SRCIN1: variants seen among roughly 807,000 people sequenced by gnomAD.
SRCIN1 encodes P130Cas-associated protein.
In SRCIN1, 50 loss-of-function variants were observed where a neutral mutation model predicts 116.2. The observed-to-expected ratio is 0.43, with a 90% CI of 0.34 to 0.54. SRCIN1 has a LOEUF of 0.54. SRCIN1 is among the 20% of genes least tolerant of loss of function. The pLI is 0.02. For missense variants in SRCIN1, 1,446 were observed against 1,672.0 expected, an observed-to-expected ratio of 0.86 and a Z score of 2.36; for synonymous variants, 736 against 750.0, an observed-to-expected ratio of 0.98 and a Z score of 0.30.
chr17:38,537,092 C>A (rs1202484034), intron 18 of SRCIN1, among the ~76,000 whole-genome samples: 1 of 151,766 alleles, frequency 6.6e-6, no homozygotes, highest in Non-Finnish European at 1.5e-5. Context: ...GCAGGAAGAT[C>A]GCTTGAATCA....
At chr17:38,587,816 GT>G (rs1017554877) in intron 1 of SRCIN1, among the ~76,000 whole-genome samples, 1 of 152,062 alleles carries the variant, frequency 6.6e-6, no homozygotes, top group Non-Finnish European at 1.5e-5. Context: ...AGAAATCAGG[GT>G]CCCCGCAGGG....
At chr17:38,574,984 C>T (rs944188798) in intron 2 of SRCIN1, 14 of 400,936 alleles carry the variant, frequency 3.5e-5, no homozygotes, top group African/African-American at 1.2e-4. Context: ...CCTGTGTGTG[C>T]GAAGCGGGGG....
At position 38,555,420 on chromosome 17, in the gene SRCIN1, T is replaced by C. The variant is rs557235861; in HGVS notation, c.2202-2565A>G. 3.3e-5 allele frequency among the ~76,000 whole-genome samples: 5 copies of C among 152,252 alleles called. No homozygotes were observed. The South Asian group carries it at 1.0e-3, about 32-fold the overall frequency. ...ACGGCAGAACCTCCATCAGCCTGGG[T>C]CCCTGAATGACTGCATGGAGAAGAG... On this transcript the variant is annotated intron_variant, in intron 11 of 18. Coordinates refer to ENST00000617146, the MANE Select transcript of SRCIN1 (RefSeq NM_025248.3).
intron 3 of SRCIN1, among the ~76,000 whole-genome samples, chr17:38,565,630 A>C (rs1488293606): frequency 6.6e-6 from 1 of 152,160 alleles, no homozygotes; most frequent in African/African-American, 2.4e-5. Context: ...CCAATTCCTG[A>C]TTTACCCCTA....
chr17:38,563,304 C>G lies in SRCIN1; in HGVS notation c.740+19G>C. The G allele has an allele frequency of 6.4e-7, 1 of 1,561,052 alleles. No homozygotes were observed. The highest frequency in any genetic ancestry group is 8.7e-7 in the Non-Finnish European group (1 of 1,152,316). On this transcript the variant is annotated intron_variant, in intron 5 of 18. Transcript: ENST00000617146. The surrounding 1 kb of genome is among the most constrained non-coding windows in gnomAD (Gnocchi z 5.8). ...GAGCGTGGGGAAGCCCACCCAAATC[C>G]CCCCCGGTCCACGCCCACCGGACGT...
At chr17:38,541,003 GC>G in intron 18 of SRCIN1, among the ~76,000 whole-genome samples, 1 of 152,106 alleles carries the variant, frequency 6.6e-6, no homozygotes, top group Non-Finnish European at 1.5e-5. Flanking sequence ...AGTTTGGAAG[GC>G]TGAGGCGGGT....
chr17:38,552,314 G>A lies in SRCIN1; in HGVS notation c.2480+133C>T, dbSNP rs189566732. 807 of 1,421,436 alleles carry A rather than the reference G, an allele frequency of 5.7e-4. 8 individuals are homozygous for A. In the East Asian group the frequency reaches 0.013, roughly 23 times the overall value. The allele number at this position is 1,421,436 out of a possible 1,614,324, so 88.1% of individuals were successfully genotyped here. A position where few individuals can be genotyped will look rare whatever the true frequency, so the allele number is the denominator to read the frequency against. ...GTCTACAGCATGCAGGGGTCACAGGGCAGAGCTGAGGTGCCAGTCCAGTCG... is the reference window on the plus strand; with the variant it reads ...GTCTACAGCATGCAGGGGTCACAGGACAGAGCTGAGGTGCCAGTCCAGTCG... On this transcript the variant is annotated intron_variant, in intron 13 of 18. Coordinates refer to ENST00000617146, the MANE Select transcript of SRCIN1 (RefSeq NM_025248.3). This position sits in a 1 kb window ranked among gnomAD's most constrained non-coding sequence, Gnocchi z 5.3.
At chr17:38,594,098 GC>G (rs1199628252) in intron 1 of SRCIN1, among the ~76,000 whole-genome samples, 2 of 152,200 alleles carry the variant, frequency 1.3e-5, no homozygotes, top group Non-Finnish European at 2.9e-5. Context: ...GGCCCCCTCT[GC>G]CTGGTTCACT....
chr17:38,553,658 C>G (rs1260027345), intron 11 of SRCIN1, among the ~76,000 whole-genome samples: 7 of 152,088 alleles, frequency 4.6e-5, no homozygotes, highest in African/African-American at 1.7e-4. Context: ...CATTTGAGAC[C>G]CTACATTCTT....
chr17:38,534,651 AGAG>A (rs992313663), intron 18 of SRCIN1, among the ~76,000 whole-genome samples: 44 of 152,154 alleles, frequency 2.9e-4, no homozygotes, highest in Non-Finnish European at 6.2e-4. Flanking sequence ...GATGCCTTGC[AGAG>A]GAGAAGCTAG....
chr17:38,574,766 A>C (rs897845931), intron 2 of SRCIN1: 6 of 399,224 alleles, frequency 1.5e-5, no homozygotes, highest in Non-Finnish European at 2.2e-5. Context: ...CCAAAGAGAA[A>C]AGGTTGCAAA....
chr17:38,558,493 C>T lies in SRCIN1; in HGVS notation c.2026-91G>A. The T allele has an allele frequency of 7.1e-7, 1 of 1,415,808 alleles. No individual in the cohort carries two copies. The highest frequency in any genetic ancestry group is 9.4e-7 in the Non-Finnish European group (1 of 1,064,364). 87.7% of individuals were successfully genotyped at this position (1,415,808 alleles called of 1,614,324 possible). ...GGGAGAAGGCGGGTAGAGGACTGCCCAATCCAGGGCGGGGCTCTGCAGAAG... is the reference window on the plus strand; with the variant it reads ...GGGAGAAGGCGGGTAGAGGACTGCCTAATCCAGGGCGGGGCTCTGCAGAAG... On this transcript the variant is annotated intron_variant, in intron 10 of 18. Coordinates refer to ENST00000617146, the MANE Select transcript of SRCIN1 (RefSeq NM_025248.3). The surrounding 1 kb of genome is among the most constrained non-coding windows in gnomAD (Gnocchi z 4.6).
At chr17:38,573,729 G>A (rs930447150) in intron 2 of SRCIN1, among the ~76,000 whole-genome samples, 4 of 152,178 alleles carry the variant, frequency 2.6e-5, no homozygotes, top group East Asian at 1.9e-4. Flanking sequence ...ATATCACATC[G>A]TCCTCTGTCC....
At chr17:38,601,638 G>GCGCA (rs1555613401) in intron 1 of SRCIN1, among the ~76,000 whole-genome samples, 10 of 137,784 alleles carry the variant, frequency 7.3e-5, no homozygotes, top group South Asian at 2.2e-4. Context: ...ACACACACAC[G>GCGCA]CACACACACA....
chr17:38,598,158 A>G (rs1908821132), intron 1 of SRCIN1, among the ~76,000 whole-genome samples: 1 of 152,122 alleles, frequency 6.6e-6, no homozygotes, highest in South Asian at 2.1e-4. Flanking sequence ...GCCTCTGCAC[A>G]GAGTCCTAAC....
chr17:38,595,546 AATAG>A (rs1381686417), intron 1 of SRCIN1, among the ~76,000 whole-genome samples: 9 of 152,230 alleles, frequency 5.9e-5, no homozygotes, highest in Admixed American at 1.3e-4. Context: ...TAAATGGATG[AATAG>A]ATAAACAAGC....
Position 38,561,444 on chromosome 17 carries a change from C to T in SRCIN1, c.1700+19G>A. On this transcript the variant is annotated intron_variant, in intron 7 of 18. Transcript: ENST00000617146. ...CACCCCCCACCCCCAGTCCCTGAGG[C>T]CTGGTTAACGTCCCTCACCTGGTCT... The T allele has an allele frequency of 1.3e-6, 2 of 1,512,298 alleles. No individual in the cohort carries two copies. Among genetic ancestry groups the T allele is most frequent in the South Asian group, 1.3e-5 (1 of 78,426 alleles). 93.7% of individuals were successfully genotyped at this position (1,512,298 alleles called of 1,614,324 possible).
In SRCIN1 at chr17:38,563,792, C is replaced by T. The variant is rs34681826; in HGVS notation, c.542-271G>A. ...GGAAGTGGGGGCAGAGCAGGTGGGG[C>T]GGAAACTGAGGGGAAGTGAGCTGAG... On this transcript the variant is annotated intron_variant, in intron 4 of 18. Transcript: ENST00000617146. The surrounding 1 kb of genome is among the most constrained non-coding windows in gnomAD (Gnocchi z 5.8). The T allele has an allele frequency of 0.075, 48,689 of 653,414 alleles. 2,030 individuals carry two copies. Among genetic ancestry groups the T allele is most frequent in the Middle Eastern group, 0.11 (289 of 2,614 alleles). 40.5% of individuals were successfully genotyped at this position (653,414 alleles called of 1,614,324 possible). A position where few individuals can be genotyped will look rare whatever the true frequency, so the allele number is the denominator to read the frequency against.
chr17:38,561,981 G>A lies in SRCIN1; in HGVS notation c.1182C>T (p.Gly394=), dbSNP rs2143187002. The A allele has an allele frequency of 6.7e-7, 1 of 1,492,378 alleles. No homozygotes were observed. The highest frequency in any genetic ancestry group is 8.9e-7 in the Non-Finnish European group (1 of 1,129,506). 92.4% of individuals were successfully genotyped at this position (1,492,378 alleles called of 1,614,324 possible). ...AGGMVLVKGE[G]LYADPYGLLH... ...GCAGCCCGTAGGGGTCAGCATAGAG[G>A]CCCTCGCCTTTCACCAGCACCATGC... The change falls in exon 7 of 19, where the codon GGC becomes GGT. Residue 394 remains glycine (G), a synonymous_variant. Transcript: ENST00000617146.
Sources: allele counts gnomAD v4.1 joint callset (sites outside exome capture counted in the v4.1 genomes callset), GRCh38; gene constraint gnomAD v4.1.1; non-coding constraint Gnocchi (gnomAD v3.1); transcripts MANE v1.5; gene names NCBI Gene and HGNC (gene_info 2026-07-23, HGNC 2026-07-21).